The following CDH12 variants were observed in gnomAD, a reference collection of about 807,000 sequenced individuals.
CDH12 encodes cadherin 12.
CDH12 carries 41 observed loss-of-function variants against 74.1 expected under a neutral mutation model. The observed-to-expected ratio is 0.55, with a 90% CI of 0.43 to 0.72. The LOEUF is 0.72. Among genes scored for constraint, CDH12 ranks in the 30% least tolerant of loss-of-function variants. The pLI, the probability that CDH12 is intolerant of heterozygous loss-of-function variation, is 0.00. For missense variants in CDH12, 945 were observed against 977.2 expected (o/e 0.97, Z 0.44); for synonymous variants, 399 against 355.0 (o/e 1.12, Z -1.39).
Position 22,277,324 on chromosome 5 carries a change from G to A in CDH12, c.-332-64681C>T, listed in dbSNP as rs557144266. On this transcript the variant is annotated intron_variant, in intron 3 of 14. Coordinates refer to ENST00000382254, the MANE Select transcript of CDH12 (RefSeq NM_004061.5). ...GTGTCTCTGCTGTCACCAACCACTC[G>A]GGGCTAATACAAGACACTTCATCAA... Among the ~76,000 whole-genome samples the A allele has an allele frequency of 1.6e-4, 24 of 152,170 alleles. No individual in the cohort carries two copies. The East Asian group carries it at 1.7e-3, about 11-fold the overall frequency.
At chr5:22,749,260 C>A (rs1047076410) in intron 1 of CDH12, among the ~76,000 whole-genome samples, 6 of 152,224 alleles carry the variant, frequency 3.9e-5, no homozygotes, top group Admixed American at 3.9e-4. Flanking sequence ...CAAAGAGAGA[C>A]CTGTCTGAAG....
At chr5:21,821,958 TAAAC>T (rs1326383495) in intron 8 of CDH12, among the ~76,000 whole-genome samples, 1 of 151,872 alleles carries the variant, frequency 6.6e-6, no homozygotes, top group Non-Finnish European at 1.5e-5. Flanking sequence ...TCACCTTACT[TAAAC>T]AACACGAAAA....
At chr5:22,841,482 G>A (rs1737079600) in intron 1 of CDH12, among the ~76,000 whole-genome samples, 1 of 152,134 alleles carries the variant, frequency 6.6e-6, no homozygotes, top group African/African-American at 2.4e-5. Context: ...AAAAAAAGTT[G>A]AGTATAGGAG....
intron 1 of CDH12, among the ~76,000 whole-genome samples, chr5:22,640,430 A>C (rs547604208): frequency 1.1e-4 from 17 of 152,092 alleles, no homozygotes; most frequent in African/African-American, 3.6e-4. Flanking sequence ...ACACAATCCT[A>C]CTCTGTTTAC....
At chr5:22,408,562 T>G (rs1281475683) in intron 2 of CDH12, among the ~76,000 whole-genome samples, 1 of 150,670 alleles carries the variant, frequency 6.6e-6, no homozygotes, top group African/African-American at 2.4e-5. Flanking sequence ...TTATATCATC[T>G]ATTTATATAT....
At chr5:22,389,792 C>A (rs965936943) in intron 3 of CDH12, among the ~76,000 whole-genome samples, 3 of 127,030 alleles carry the variant, frequency 2.4e-5, no homozygotes, top group South Asian at 2.3e-4. Context: ...GGACTACAGG[C>A]GCCCACCACC....
intron 5 of CDH12, among the ~76,000 whole-genome samples, chr5:21,984,587 C>T (rs1162175398): frequency 1.3e-5 from 2 of 152,116 alleles, no homozygotes; most frequent in Admixed American, 1.3e-4. Context: ...AGAAATTGGC[C>T]ATCTTCTCTG....
At position 22,725,310 on chromosome 5, in the gene CDH12, T is replaced by C. The variant is rs1257663734; in HGVS notation, c.-523+127748A>G. Among the ~76,000 whole-genome samples the C allele has an allele frequency of 2.0e-5, 3 of 151,888 alleles. No homozygotes were observed. The East Asian group carries it at 5.8e-4, about 29-fold the overall frequency. ...AATTTATGATAGTAGCTATTGATAA[T>C]ATATACAATGGATGAGCCATATTTT... On this transcript the variant is annotated intron_variant, in intron 1 of 14. Coordinates refer to ENST00000382254, the MANE Select transcript of CDH12 (RefSeq NM_004061.5).
At chr5:21,788,135 G>T (rs751368294) in intron 10 of CDH12, among the ~76,000 whole-genome samples, 4 of 152,110 alleles carry the variant, frequency 2.6e-5, no homozygotes. Context: ...ACTTTAGTTG[G>T]GAAGACATGT....
intron 11 of CDH12, among the ~76,000 whole-genome samples, chr5:21,775,497 C>A (rs1745537429): frequency 6.6e-6 from 1 of 152,098 alleles, no homozygotes; most frequent in Admixed American, 6.6e-5. Flanking sequence ...TTGAATGAAG[C>A]CTCAGCCTCC....
rs1371250976 is a variant in CDH12, at chr5:22,820,014, TATATACATATATATAC to T, written c.-523+33028_-523+33043del. Reference sequence around the variant, plus strand: ...ATATACATATATATACATATACATATATATACATATATATACATATACATATATATACATATACATT... The same window carrying T: ...ATATACATATATATACATATACATATATATACATATATATACATATACATT... On this transcript the variant is annotated intron_variant, in intron 1 of 14. Transcript: ENST00000382254. Among the ~76,000 whole-genome samples the T allele has an allele frequency of 3.1e-3, 438 of 141,222 alleles. 1 individual carries two copies. The highest frequency in any genetic ancestry group is 5.9e-3 in the Admixed American group (83 of 14,114). The allele number at this position is 141,222 out of a possible 152,430, so 92.6% of individuals were successfully genotyped here. A position where few individuals can be genotyped will look rare whatever the true frequency, so the allele number is the denominator to read the frequency against.
intron 1 of CDH12, among the ~76,000 whole-genome samples, chr5:22,704,348 T>C (rs900193936): frequency 1.3e-5 from 2 of 152,170 alleles, no homozygotes; most frequent in Non-Finnish European, 2.9e-5. Context: ...CCTGTTTTCT[T>C]GTAGTAAAAC....
intron 2 of CDH12, among the ~76,000 whole-genome samples, chr5:22,454,505 A>G (rs1745188548): frequency 6.6e-6 from 1 of 151,924 alleles, no homozygotes; most frequent in Non-Finnish European, 1.5e-5. Context: ...ATGGAGTCTC[A>G]TTCTGTCGGC....
At chr5:22,179,573 C>T (rs562204305) in intron 4 of CDH12, among the ~76,000 whole-genome samples, 6 of 152,190 alleles carry the variant, frequency 3.9e-5, no homozygotes, top group South Asian at 2.1e-4. Context: ...AAGATTATAA[C>T]GGCTTGAAGA....
intron 4 of CDH12, among the ~76,000 whole-genome samples, chr5:22,189,512 C>T (rs1222891286): frequency 6.6e-6 from 1 of 151,664 alleles, no homozygotes; most frequent in Non-Finnish European, 1.5e-5. Context: ...TCAATAGTAA[C>T]AATCAGGAGA....
intron 1 of CDH12, chr5:22,580,528 G>A (rs1740034553): frequency 1.3e-5 from 6 of 474,806 alleles, no homozygotes; most frequent in Non-Finnish European, 2.6e-5. Context: ...GGAATACTCT[G>A]GATGGTGGCT....
chr5:22,538,718 TATA>T (rs1474796227), intron 1 of CDH12, among the ~76,000 whole-genome samples: 1 of 152,234 alleles, frequency 6.6e-6, no homozygotes, highest in Non-Finnish European at 1.5e-5. Flanking sequence ...ACTGATTTTT[TATA>T]ATAATATTTA....
At chr5:21,916,340 G>A (rs1754092141) in intron 6 of CDH12, among the ~76,000 whole-genome samples, 2 of 152,142 alleles carry the variant, frequency 1.3e-5, no homozygotes, top group South Asian at 2.1e-4. Flanking sequence ...GTTGGACTCA[G>A]AAAGGTCAAA....
chr5:22,249,357 T>C (rs1292590506), intron 3 of CDH12, among the ~76,000 whole-genome samples: 6 of 152,136 alleles, frequency 3.9e-5, no homozygotes, highest in Non-Finnish European at 7.4e-5. Flanking sequence ...AAGACTGTTA[T>C]TGGAGACAGC....
Sources: gnomAD v4.1 joint callset for allele counts (sites outside exome capture counted in the v4.1 genomes callset) on GRCh38, gnomAD v4.1.1 for gene constraint, MANE v1.5 for transcripts, NCBI Gene and HGNC (gene_info 2026-07-23, HGNC 2026-07-21) for gene names.